PRKN: variants seen among roughly 807,000 people sequenced by gnomAD.
PRKN encodes E3 ubiquitin-protein ligase parkin.
In PRKN, 56 loss-of-function variants were observed where a neutral mutation model predicts 59.5. The ratio of observed to expected loss-of-function variants is 0.94; its 90% CI spans 0.76 to 1.18. PRKN has a LOEUF of 1.18. Among genes scored for constraint, PRKN ranks in the 50% most tolerant of loss-of-function variants. PRKN has a pLI of 0.00. For missense variants in PRKN, 657 were observed against 596.4 expected, an observed-to-expected ratio of 1.10 and a Z score of -1.06; for synonymous variants, 250 against 222.1, an observed-to-expected ratio of 1.13 and a Z score of -1.12.
At chr6:162,636,337 G>A (rs1181290519) in intron 1 of PRKN, among the ~76,000 whole-genome samples, 3 of 152,092 alleles carry the variant, frequency 2.0e-5, no homozygotes, top group Admixed American at 2.0e-4. Context: ...GCTAAAAATA[G>A]CTTTGAAATT....
chr6:161,883,841 C>T lies in PRKN; in HGVS notation c.734+89461G>A, dbSNP rs1001471783. 4.6e-5 allele frequency among the ~76,000 whole-genome samples: 7 copies of T among 151,844 alleles called. No individual in the cohort carries two copies. In the South Asian group the frequency reaches 8.3e-4, roughly 18 times the overall value. The stretch of plus-strand genomic sequence containing the variant: ...CCAATTTTTGTATTTTTGGTAGAGA[C>T]GGGGTTTCACTATGTCGGCCAGGCT... On this transcript the variant is annotated intron_variant, in intron 6 of 11. Coordinates refer to ENST00000366898, the MANE Select transcript of PRKN (RefSeq NM_004562.3).
chr6:162,471,945 A>C (rs1791768324), intron 1 of PRKN, among the ~76,000 whole-genome samples: 1 of 152,210 alleles, frequency 6.6e-6, no homozygotes, highest in African/African-American at 2.4e-5. Flanking sequence ...TGCAATCATC[A>C]TATGACACTT....
chr6:161,621,327 C>T (rs1582902404), intron 7 of PRKN, among the ~76,000 whole-genome samples: 1 of 152,074 alleles, frequency 6.6e-6, no homozygotes, highest in East Asian at 1.9e-4. Context: ...TCGTGTGGCT[C>T]AGTCCAAATC....
intron 2 of PRKN, among the ~76,000 whole-genome samples, chr6:162,386,739 A>C (rs1191333747): frequency 1.3e-5 from 2 of 152,268 alleles, no homozygotes; most frequent in African/African-American, 2.4e-5. Context: ...ACAGAGACAG[A>C]CAGATGAACA....
intron 5 of PRKN, among the ~76,000 whole-genome samples, chr6:162,011,854 T>C (rs1055887282): frequency 8.0e-5 from 12 of 150,844 alleles, no homozygotes; most frequent in African/African-American, 2.2e-4. Flanking sequence ...CTTCTACATA[T>C]AAAATTAGTT....
chr6:162,654,739 T>C (rs1473743921), intron 1 of PRKN, among the ~76,000 whole-genome samples: 1 of 152,148 alleles, frequency 6.6e-6, no homozygotes, highest in African/African-American at 2.4e-5. Context: ...GACTCACAGT[T>C]CCACATGGCT....
intron 4 of PRKN, among the ~76,000 whole-genome samples, chr6:162,144,421 C>A (rs935407585): frequency 6.6e-6 from 1 of 152,230 alleles, no homozygotes; most frequent in Middle Eastern, 3.4e-3. Context: ...TTATAATACC[C>A]TTGTAAGAAA....
intron 3 of PRKN, among the ~76,000 whole-genome samples, chr6:162,259,006 C>T (rs1459331012): frequency 6.6e-6 from 1 of 152,154 alleles, no homozygotes; most frequent in Non-Finnish European, 1.5e-5. Context: ...GCTATTCACC[C>T]ATTAGAGCCC....
chr6:162,206,472 T>C (rs1011532000), intron 3 of PRKN, among the ~76,000 whole-genome samples: 2 of 152,134 alleles, frequency 1.3e-5, no homozygotes, highest in African/African-American at 2.4e-5. Context: ...AGCCTGGCTA[T>C]TGGTGGTTTC....
chr6:162,572,762 G>A (rs1291971481), intron 1 of PRKN, among the ~76,000 whole-genome samples: 2 of 152,144 alleles, frequency 1.3e-5, no homozygotes, highest in African/African-American at 4.8e-5. Context: ...CACTTATTAT[G>A]CAGACATACA....
chr6:161,800,638 G>A (rs917161953), intron 6 of PRKN, among the ~76,000 whole-genome samples: 2 of 152,198 alleles, frequency 1.3e-5, no homozygotes, highest in Admixed American at 1.3e-4. Context: ...CCTGTTGTGG[G>A]CAGTGTCTGG....
intron 4 of PRKN, among the ~76,000 whole-genome samples, chr6:162,200,294 G>A (rs1433753706): frequency 6.6e-6 from 1 of 152,122 alleles, no homozygotes; most frequent in African/African-American, 2.4e-5. Flanking sequence ...CCACCGAGCC[G>A]GAACCTGACA....
At chr6:162,201,353 C>A in intron 3 of PRKN, 101 bp from the exon 4 acceptor site, 1 of 1,050,086 alleles carries the variant, frequency 9.5e-7, no homozygotes, top group South Asian at 1.3e-5. Context: ...AAAACTCAGT[C>A]TTCAGGAACA....
At position 161,771,355 on chromosome 6, in the gene PRKN, CA is replaced by C. The variant is rs1208813487; in HGVS notation, c.871+14416del. On this transcript the variant is annotated intron_variant, in intron 7 of 11. Coordinates refer to ENST00000366898, the MANE Select transcript of PRKN (RefSeq NM_004562.3). ...TGGGCGACAGAACAAGACTCCACCT[CA>C]AAAAAAAAAAAAAAATAAAATAAAA... Among the ~76,000 whole-genome samples the C allele has an allele frequency of 5.2e-3, 108 of 20,708 alleles. 3 individuals carry two copies. The highest frequency in any genetic ancestry group is 0.042 in the Middle Eastern group (1 of 24). The allele number at this position is 20,708 out of a possible 152,430, so 13.6% of individuals were successfully genotyped here.
Position 161,468,014 on chromosome 6 carries a change from C to A in PRKN, c.1083+80840G>T, listed in dbSNP as rs1024874544. 6.6e-6 allele frequency among the ~76,000 whole-genome samples: 1 copy of A among 152,118 alleles called. No individual in the cohort carries two copies. The stretch of plus-strand genomic sequence containing the variant: ...TTGAGACAGAGTTTCACTCTTTCAA[C>A]CAGGCTGGAGTGAAGTGGTGTGATC... On this transcript the variant is annotated intron_variant, in intron 9 of 11. Transcript: ENST00000366898. The surrounding 1 kb of genome is among the most constrained non-coding windows in gnomAD (Gnocchi z 5.9).
At position 162,317,608 on chromosome 6, in the gene PRKN, C is replaced by CA. The variant is rs1212244438; in HGVS notation, c.172-54844dup. Among the ~76,000 whole-genome samples, 3 of 152,066 alleles carry CA rather than the reference C, an allele frequency of 2.0e-5. No homozygotes were observed. In the East Asian group the frequency reaches 5.9e-4, roughly 30 times the overall value. On this transcript the variant is annotated intron_variant, in intron 2 of 11. Transcript: ENST00000366898. ...CAGATGTATCAGAAACTCACACACT[C>CA]ACTCGATTGGGGAGAAACGTGGGGA...
intron 1 of PRKN, among the ~76,000 whole-genome samples, chr6:162,689,800 G>A (rs557584451): frequency 2.0e-5 from 3 of 152,252 alleles, no homozygotes; most frequent in Admixed American, 6.5e-5. Context: ...CATGAATCAC[G>A]CAAGAGTGTA....
rs529360617 is a variant in PRKN at position 162,262,594 on chromosome 6, C to T, written c.343G>A (p.Asp115Asn). The T allele has an allele frequency of 2.5e-5, 40 of 1,613,124 alleles. No individual in the cohort carries two copies. In the Middle Eastern group the frequency reaches 5.0e-4, roughly 20 times the overall value. Residue 115 changes from aspartate (D) to asparagine (N), a missense_variant, in exon 3 of 12, where the codon GAC (aspartate) becomes AAC (asparagine). Coordinates refer to ENST00000366898, the MANE Select transcript of PRKN (RefSeq NM_004562.3). ...AGAATGACAGCCAGCCCCACAGAGT[C>T]TCCTGGGAGGACTGAGCTGCTGAGG... Reference protein sequence around the residue: ...VDLSSSVLPGDSVGLAVILHT... With the variant: ...VDLSSSVLPGNSVGLAVILHT...
chr6:161,937,592 A>G (rs1779405961), intron 6 of PRKN, among the ~76,000 whole-genome samples: 1 of 152,210 alleles, frequency 6.6e-6, no homozygotes, highest in Non-Finnish European at 1.5e-5. Flanking sequence ...TCTCCTGGGC[A>G]TGGGTTTCTG....
Sources: gnomAD v4.1 joint callset for allele counts (sites outside exome capture counted in the v4.1 genomes callset) on GRCh38, gnomAD v4.1.1 for gene constraint, Gnocchi (gnomAD v3.1) non-coding constraint, MANE v1.5 for transcripts, NCBI Gene and HGNC (gene_info 2026-07-23, HGNC 2026-07-21) for gene names.